The following PCNX1 variants were observed in gnomAD, a reference collection of about 807,000 sequenced individuals.
PCNX1 encodes pecanex-like protein 1.
PCNX1 carries 78 observed loss-of-function variants against 242.2 expected under a neutral mutation model. The observed-to-expected ratio is 0.32, with a 90% CI of 0.27 to 0.39. PCNX1 has a LOEUF of 0.39. Ranked by LOEUF, PCNX1 falls within the 10% of genes least tolerant of loss-of-function variation. The pLI is 1.00. For synonymous variants in PCNX1, 1,024 were observed against 1,032.9 expected (o/e 0.99, Z 0.17); for missense variants, 2,581 against 2,856.5 (o/e 0.90, Z 2.20).
At position 70,947,070 on chromosome 14, in the gene PCNX1, C is replaced by G. The variant is rs770036305; in HGVS notation, c.309C>G (p.Thr103=). Residue 103 remains threonine (T), a synonymous_variant, in exon 2 of 36, where the codon ACC becomes ACG. Transcript: ENST00000304743. ...RTANEFTDQR[T]KAEQGNCSTR... ...CAAATGAGTTCACGGATCAGCGAACCAAAGCTGAACAAGGCAACTGTTCAA... is the reference window on the plus strand; with the variant it reads ...CAAATGAGTTCACGGATCAGCGAACGAAAGCTGAACAAGGCAACTGTTCAA... 4 of 1,613,172 alleles carry G rather than the reference C, an allele frequency of 2.5e-6. No homozygotes were observed. The highest frequency in any genetic ancestry group is 2.5e-6 in the Non-Finnish European group (3 of 1,179,668).
At chr14:71,089,021 G>C (rs1472862255) in intron 29 of PCNX1, among the ~76,000 whole-genome samples, 171 bp from the exon 30 acceptor site, 2 of 152,138 alleles carry the variant, frequency 1.3e-5, no homozygotes, top group African/African-American at 4.8e-5. Flanking sequence ...AGGGTCCCAG[G>C]TCGGACAGGC....
intron 8 of PCNX1, among the ~76,000 whole-genome samples, chr14:71,000,591 A>G (rs371182445): frequency 8.6e-4 from 128 of 148,752 alleles, no homozygotes; most frequent in African/African-American, 3.1e-3. Context: ...CAGTGGTGCA[A>G]TCTTGGCTCA....
intron 4 of PCNX1, 27 bp from the exon 5 acceptor site, chr14:70,968,994 C>T (rs778354162): frequency 2.3e-6 from 3 of 1,298,610 alleles, no homozygotes; most frequent in East Asian, 2.3e-5. Context: ...AATATAAGGT[C>T]CTCACATGTT....
At chr14:70,928,048 C>T (rs1342820556) in intron 1 of PCNX1, among the ~76,000 whole-genome samples, 1 of 152,066 alleles carries the variant, frequency 6.6e-6, no homozygotes, top group East Asian at 1.9e-4. Context: ...TAGTTTGACT[C>T]TTCCTTTGAC....
chr14:70,916,108 G>A (rs1199000099), intron 1 of PCNX1, among the ~76,000 whole-genome samples: 2 of 152,130 alleles, frequency 1.3e-5, no homozygotes, highest in African/African-American at 4.8e-5. Flanking sequence ...AGGTTTGAGG[G>A]AGATCCCCCA....
chr14:70,956,831 GC>G (rs2140422317), intron 2 of PCNX1, among the ~76,000 whole-genome samples: 1 of 152,020 alleles, frequency 6.6e-6, no homozygotes, highest in South Asian at 2.1e-4. Context: ...AAGTTTTTTT[GC>G]CTTTTGGTTT....
intron 26 of PCNX1, among the ~76,000 whole-genome samples, chr14:71,069,786 A>G (rs1165001905): frequency 1.3e-5 from 2 of 152,210 alleles, no homozygotes; most frequent in Non-Finnish European, 2.9e-5. Flanking sequence ...TCTTGCCCCG[A>G]TGTTGATGGC....
At chr14:71,011,641 T>G in intron 10 of PCNX1, 92 bp downstream of exon 10, 1 of 802,242 alleles carries the variant, frequency 1.2e-6, no homozygotes, top group Non-Finnish European at 2.0e-6. Context: ...CCATAAAAAT[T>G]GATGAAGTTA....
chr14:71,076,515 C>G, intron 28 of PCNX1, 96 bp downstream of exon 28: 1 of 742,974 alleles, frequency 1.3e-6, no homozygotes, highest in Non-Finnish European at 2.2e-6. Flanking sequence ...TTTTTCAAGA[C>G]CTTCCTCTTT....
At position 71,019,051 on chromosome 14, in the gene PCNX1, T is replaced by C. The variant is rs774723217; in HGVS notation, c.3039T>C (p.Ala1013=). The change falls in exon 12 of 36, where the codon GCT becomes GCC. Residue 1013 remains alanine (A), a synonymous_variant. Transcript: ENST00000304743. ...ILENVLAVIL[A]ILVAFLGSIL... ...AAAATGTGTTAGCTGTCATCCTGGCTATTCTCGTGGCCTTTTTGGGATCTA... is the reference window on the plus strand; with the variant it reads ...AAAATGTGTTAGCTGTCATCCTGGCCATTCTCGTGGCCTTTTTGGGATCTA... 6 of 1,613,456 alleles carry C rather than the reference T, an allele frequency of 3.7e-6. No homozygotes were observed. Among genetic ancestry groups the C allele is most frequent in the Non-Finnish European group, 5.1e-6 (6 of 1,179,654 alleles).
chr14:70,917,001 A>G (rs2056177089), intron 1 of PCNX1, among the ~76,000 whole-genome samples: 1 of 152,126 alleles, frequency 6.6e-6, no homozygotes, highest in Non-Finnish European at 1.5e-5. Flanking sequence ...GCCAGGAGCA[A>G]ATTGGATCTC....
At chr14:71,094,665 G>A (rs1158916247) in intron 30 of PCNX1, among the ~76,000 whole-genome samples, 1 of 152,018 alleles carries the variant, frequency 6.6e-6, no homozygotes, top group Non-Finnish European at 1.5e-5. Context: ...GATGCCTCAC[G>A]CCTGTAATCC....
intron 4 of PCNX1, among the ~76,000 whole-genome samples, chr14:70,968,700 A>T (rs1283709037): frequency 6.6e-6 from 1 of 152,210 alleles, no homozygotes; most frequent in African/African-American, 2.4e-5. Flanking sequence ...CTGGGAAGGA[A>T]ATTCATGTTG....
intron 1 of PCNX1, among the ~76,000 whole-genome samples, chr14:70,916,564 T>C (rs1400900734): frequency 6.6e-6 from 1 of 152,238 alleles, no homozygotes; most frequent in Non-Finnish European, 1.5e-5. Context: ...TACATTATGC[T>C]GTAGTCTGTT....
rs774101638 is a variant in PCNX1 at position 71,012,967 on chromosome 14, A to G, written c.2779-18A>G. ...TATTGAAGATATTTTAAGCCTTTCA[A>G]TGCTGACTTTCTTTTAGCTCTCTCT... On this transcript the variant is annotated intron_variant, in intron 10 of 35. Transcript: ENST00000304743. The G allele has an allele frequency of 8.4e-6, 13 of 1,539,270 alleles. No homozygotes were observed. In the East Asian group the frequency reaches 1.8e-4, roughly 21 times the overall value.
intron 7 of PCNX1, among the ~76,000 whole-genome samples, chr14:70,990,165 C>T (rs1297151526): frequency 1.3e-4 from 20 of 152,070 alleles, no homozygotes; most frequent in Non-Finnish European, 1.8e-4. Context: ...TTGTCTTTAA[C>T]GAGGCACCTC....
intron 19 of PCNX1, among the ~76,000 whole-genome samples, chr14:71,036,877 G>T (rs936158976): frequency 6.6e-6 from 1 of 152,046 alleles, no homozygotes; most frequent in African/African-American, 2.4e-5. Context: ...ATTACCTTGG[G>T]CAGTATGGCC....
intron 1 of PCNX1, among the ~76,000 whole-genome samples, chr14:70,910,396 G>C (rs2055843431): frequency 6.6e-6 from 1 of 151,236 alleles, no homozygotes; most frequent in South Asian, 2.1e-4. Flanking sequence ...TCATTCTTCT[G>C]CTCTCAGGGC....
rs2062652245 is a variant in PCNX1, at chr14:71,107,289, TGATA to T, written c.6302-1311_6302-1308del. On this transcript the variant is annotated intron_variant, in intron 33 of 35. Transcript: ENST00000304743. ...TCAATGGGATTCAAGTGAAGAGACC[TGATA>T]GATCAACATTTTGGATGTTCAGAAA... Among the ~76,000 whole-genome samples the T allele has an allele frequency of 1.3e-5, 2 of 152,140 alleles. 1 individual carries two copies. Among genetic ancestry groups the T allele is most frequent in the African/African-American group, 4.8e-5 (2 of 41,476 alleles).
Sources: allele counts gnomAD v4.1 joint callset (sites outside exome capture counted in the v4.1 genomes callset), GRCh38; gene constraint gnomAD v4.1.1; transcripts MANE v1.5; gene names NCBI Gene and HGNC (gene_info 2026-07-23, HGNC 2026-07-21).